Variants in ATPAF2 observed in about 807,000 individuals in gnomAD.
The protein encoded by ATPAF2 is ATP synthase mitochondrial F1 complex assembly factor 2.
In ATPAF2, 30 loss-of-function variants were observed where a neutral mutation model predicts 36.6. The ratio of observed to expected loss-of-function variants is 0.82; its 90% CI spans 0.61 to 1.11. The LOEUF is 1.11. Ranked by LOEUF, ATPAF2 falls within the 50% of genes most tolerant of loss-of-function variation. The pLI is 0.00. For missense variants in ATPAF2, 321 were observed against 372.3 expected, an observed-to-expected ratio of 0.86 and a Z score of 1.13; for synonymous variants, 140 against 152.6, an observed-to-expected ratio of 0.92 and a Z score of 0.61.
At chr17:18,024,753 T>C in intron 4 of ATPAF2, 49 bp from the exon 5 acceptor site, 6 of 1,509,454 alleles carry the variant, frequency 4.0e-6, no homozygotes, top group Non-Finnish European at 4.6e-6. Context: ...TACAATTCCT[T>C]CATTCAGTGA....
Position 18,039,027 on chromosome 17 carries a change from C to T in ATPAF2, c.-14G>A, listed in dbSNP as rs772662195. The T allele has an allele frequency of 1.5e-5, 24 of 1,589,120 alleles. No individual in the cohort carries two copies. The Admixed American group carries it at 4.4e-4, about 29-fold the overall frequency. ...GCTCCTCCACATCGCGCCCGAGGGT[C>T]TGGGAAGATGCGAGACGCGAAACCT... On this transcript the variant is annotated 5_prime_UTR_variant, in exon 1 of 8. Coordinates refer to ENST00000474627, the MANE Select transcript of ATPAF2 (RefSeq NM_145691.4). The surrounding 1 kb of genome is among the most constrained non-coding windows in gnomAD (Gnocchi z 5.3).
downstream of ATPAF2, chr17:18,016,618 G>A (rs766718133): frequency 9.4e-5 from 152 of 1,613,624 alleles, 1 homozygote; most frequent in Non-Finnish European, 1.2e-4. Flanking sequence ...TCAGTACATC[G>A]ACCACATGCA....
At chr17:18,016,873 TAAAAA>T (rs5819640), downstream of ATPAF2, 52 of 302,790 alleles carry the variant, frequency 1.7e-4, no homozygotes, top group East Asian at 8.1e-4. Context: ...CCCCTACTCA[TAAAAA>T]AAAAAAAAAA....
At chr17:18,022,235 T>C (rs1179004205) in intron 5 of ATPAF2, among the ~76,000 whole-genome samples, 1 of 152,236 alleles carries the variant, frequency 6.6e-6, no homozygotes, top group Non-Finnish European at 1.5e-5. Context: ...TTAAAAACAA[T>C]ATTTAAAATG....
chr17:18,037,386 G>A (rs947036788), intron 1 of ATPAF2, among the ~76,000 whole-genome samples: 10 of 152,108 alleles, frequency 6.6e-5, no homozygotes, highest in Non-Finnish European at 1.5e-4. Flanking sequence ...TCAGGAGTTC[G>A]AGACCAGCCT....
intron 5 of ATPAF2, 53 bp downstream of exon 5, chr17:18,024,571 T>G: frequency 1.3e-6 from 2 of 1,499,606 alleles, no homozygotes; most frequent in East Asian, 2.3e-5. Flanking sequence ...ACCCCTACAC[T>G]CCACCAAACG....
intron 1 of ATPAF2, among the ~76,000 whole-genome samples, chr17:18,037,045 T>G (rs2044712922): frequency 6.6e-6 from 1 of 152,178 alleles, no homozygotes; most frequent in Non-Finnish European, 1.5e-5. Flanking sequence ...CATGCCAGCC[T>G]GGGTGACAAG....
chr17:18,015,848 T>C (rs145947034), downstream of ATPAF2: 3 of 523,878 alleles, frequency 5.7e-6, no homozygotes, highest in South Asian at 2.6e-5. Flanking sequence ...TGGTTGGCCC[T>C]TTCCCCACAA....
intron 3 of ATPAF2, 75 bp downstream of exon 3, chr17:18,028,157 G>C (rs761579521): frequency 2.5e-6 from 4 of 1,596,868 alleles, no homozygotes; most frequent in Non-Finnish European, 3.4e-6. Context: ...GGCCTTGTCG[G>C]AATTTGGTAA....
chr17:18,019,895 T>C (rs1332347679), intron 7 of ATPAF2, among the ~76,000 whole-genome samples: 2 of 152,214 alleles, frequency 1.3e-5, no homozygotes, highest in Non-Finnish European at 2.9e-5. Context: ...GTTCAGAGAA[T>C]GATGGCCTGG....
intron 6 of ATPAF2, chr17:18,021,441 G>A (rs542473765): frequency 2.5e-5 from 16 of 651,804 alleles, no homozygotes; most frequent in South Asian, 6.9e-5. Context: ...CACATGACCC[G>A]AACTTGGCAA....
chr17:18,026,630 T>G (rs1258498444), intron 3 of ATPAF2: 1 of 598,870 alleles, frequency 1.7e-6, no homozygotes, highest in South Asian at 2.0e-5. Flanking sequence ...CTCACAGGAC[T>G]CGAGGGAAGC....
chr17:18,037,256 G>T (rs1042786896), intron 1 of ATPAF2, among the ~76,000 whole-genome samples: 6 of 151,818 alleles, frequency 4.0e-5, no homozygotes, highest in African/African-American at 1.5e-4. Context: ...TGAAACTTCA[G>T]CTCCCTGCTG....
intron 4 of ATPAF2, chr17:18,025,137 T>G (rs1210323200): frequency 9.6e-6 from 3 of 312,294 alleles, no homozygotes; most frequent in Non-Finnish European, 1.9e-5. Flanking sequence ...AGATGCTGAA[T>G]GGGAATGCTG....
chr17:18,029,879 T>TAAAAAA (rs771131818), intron 1 of ATPAF2, among the ~76,000 whole-genome samples: 6 of 53,206 alleles, frequency 1.1e-4, no homozygotes, highest in Non-Finnish European at 1.7e-4. Context: ...CCTTTAACGC[T>TAAAAAA]AAAAAAAAAA....
At chr17:18,027,156 G>C (rs927775149) in intron 3 of ATPAF2, among the ~76,000 whole-genome samples, 2 of 151,908 alleles carry the variant, frequency 1.3e-5, no homozygotes, top group East Asian at 3.9e-4. Flanking sequence ...AGGAGGCAGA[G>C]GTTGCAGTGA....
chr17:18,036,601 C>G (rs1181542900), intron 1 of ATPAF2, among the ~76,000 whole-genome samples: 29 of 151,450 alleles, frequency 1.9e-4, no homozygotes, highest in Non-Finnish European at 1.5e-5. Flanking sequence ...CATGCATGGG[C>G]CTGATTTATG....
chr17:18,018,878 G>A (rs971960489), intron 7 of ATPAF2, among the ~76,000 whole-genome samples, 192 bp from the exon 8 acceptor site: 2 of 152,190 alleles, frequency 1.3e-5, no homozygotes, highest in Non-Finnish European at 2.9e-5. Flanking sequence ...GCTCACGCCT[G>A]TAATCCCAGC....
downstream of ATPAF2, chr17:18,016,717 C>T (rs371540180): frequency 5.3e-6 from 7 of 1,321,298 alleles, no homozygotes; most frequent in Non-Finnish European, 7.6e-6. Context: ...GCACCAGCCC[C>T]AGCCAGGAGA....
Sources: allele counts gnomAD v4.1 joint callset (sites outside exome capture counted in the v4.1 genomes callset), GRCh38; gene constraint gnomAD v4.1.1; non-coding constraint Gnocchi (gnomAD v3.1); transcripts MANE v1.5; gene names NCBI Gene and HGNC (gene_info 2026-07-23, HGNC 2026-07-21).